The following GRIK1 variants were observed in gnomAD, a reference collection of about 807,000 sequenced individuals.
The protein encoded by GRIK1 is glutamate receptor ionotropic, kainate 1.
Under a neutral mutation model 105.7 loss-of-function variants are expected in GRIK1, and 69 were observed. The ratio of observed to expected loss-of-function variants is 0.65; its 90% confidence interval spans 0.54 to 0.80. GRIK1 has a LOEUF of 0.80. Among genes scored for constraint, GRIK1 ranks in the 30% least tolerant of loss-of-function variants. GRIK1 has a pLI of 0.00. For synonymous variants in GRIK1, 438 were observed against 431.3 expected, an observed-to-expected ratio of 1.02 and a Z score of -0.19; for missense variants, 1,109 against 1,167.3, an observed-to-expected ratio of 0.95 and a Z score of 0.73.
intron 9 of GRIK1, chr21:29,596,197 A>C: frequency 2.4e-6 from 1 of 416,284 alleles, no homozygotes. Flanking sequence ...TTTGAGAAGG[A>C]ATATAAATAG....
intron 1 of GRIK1, among the ~76,000 whole-genome samples, chr21:29,783,827 G>A (rs887869909): frequency 3.9e-5 from 6 of 152,122 alleles, no homozygotes; most frequent in African/African-American, 1.4e-4. Flanking sequence ...ACAATCACAT[G>A]ACTCAAAATT....
At position 29,922,740 on chromosome 21, in the gene GRIK1, T is replaced by C. The variant is rs564438254; in HGVS notation, c.118+16643A>G. Among the ~76,000 whole-genome samples, 22 of 152,312 alleles carry C rather than the reference T, an allele frequency of 1.4e-4. No homozygotes were observed. The South Asian group carries it at 4.3e-3, about 30-fold the overall frequency. ...AAGTTCAAACTTACAGCTTTTGCTG[T>C]TGTATTCCTCGGCCCTTTTACACTT... On this transcript the variant is annotated intron_variant, in intron 1 of 17. Coordinates refer to ENST00000327783, the MANE Select transcript of GRIK1 (RefSeq NM_001330994.2).
At chr21:29,565,685 C>T (rs776625575) in intron 14 of GRIK1, among the ~76,000 whole-genome samples, 36 of 152,208 alleles carry the variant, frequency 2.4e-4, no homozygotes, top group African/African-American at 4.1e-4. Context: ...CCACCTGCCT[C>T]GGCCTCCCAA....
intron 7 of GRIK1, among the ~76,000 whole-genome samples, chr21:29,620,781 AGATATATATATC>A (rs1426366381): frequency 6.4e-5 from 7 of 109,512 alleles, no homozygotes; most frequent in South Asian, 5.9e-4. Context: ...ATATATATAT[AGATATATATATC>A]TATATATATA....
intron 7 of GRIK1, among the ~76,000 whole-genome samples, chr21:29,622,692 G>A (rs1476001561): frequency 1.3e-5 from 2 of 152,132 alleles, no homozygotes; most frequent in African/African-American, 4.8e-5. Flanking sequence ...TGTGGGATAT[G>A]GCTAATATTT....
intron 1 of GRIK1, among the ~76,000 whole-genome samples, chr21:29,788,741 G>C (rs1212720219): frequency 6.6e-6 from 1 of 152,160 alleles, no homozygotes; most frequent in Non-Finnish European, 1.5e-5. Flanking sequence ...TCTCATCTGA[G>C]GGTGATGGGA....
At chr21:29,911,355 G>T (rs1394125776) in intron 1 of GRIK1, among the ~76,000 whole-genome samples, 1 of 151,978 alleles carries the variant, frequency 6.6e-6, no homozygotes, top group Non-Finnish European at 1.5e-5. Context: ...GCTTCAAAAT[G>T]GTACTGCGAT....
At chr21:29,751,667 C>T (rs557125643) in intron 1 of GRIK1, among the ~76,000 whole-genome samples, 13 of 152,326 alleles carry the variant, frequency 8.5e-5, no homozygotes, top group Admixed American at 6.5e-4. Context: ...GCCTCTCAGC[C>T]TGACACACCC....
At chr21:29,603,587 T>C (rs556939131) in intron 7 of GRIK1, among the ~76,000 whole-genome samples, 2 of 152,332 alleles carry the variant, frequency 1.3e-5, no homozygotes, top group African/African-American at 2.4e-5. Flanking sequence ...CCTCTTGGCA[T>C]TGCATTCTCC....
At chr21:29,848,912 A>G (rs2146037551) in intron 1 of GRIK1, among the ~76,000 whole-genome samples, 1 of 151,696 alleles carries the variant, frequency 6.6e-6, no homozygotes, top group South Asian at 2.1e-4. Flanking sequence ...ACCCTATTCA[A>G]ATAGATTTTC....
At chr21:29,641,738 CT>C (rs1031569694) in intron 7 of GRIK1, among the ~76,000 whole-genome samples, 5 of 152,170 alleles carry the variant, frequency 3.3e-5, no homozygotes, top group African/African-American at 1.2e-4. Context: ...TGCAAGCAAC[CT>C]AGATTTGTAG....
rs116557033 is a variant in GRIK1, at chr21:29,794,896, T to C, written c.119-100833A>G. Among the ~76,000 whole-genome samples the C allele has an allele frequency of 4.9e-3, 744 of 152,210 alleles. 7 individuals are homozygous for C. The highest frequency in any genetic ancestry group is 0.017 in the African/African-American group (722 of 41,548). On this transcript the variant is annotated intron_variant, in intron 1 of 17. Transcript: ENST00000327783. ...CCTGGAAGTATGATCATATAATTTA[T>C]CATCCCAAATGACAGCATTTTTGAG...
chr21:29,763,840 A>G (rs1438971682), intron 1 of GRIK1: 1 of 152,208 alleles, frequency 6.6e-6, no homozygotes, highest in Non-Finnish European at 1.5e-5. Context: ...TTTGATTTAA[A>G]TTTAGTTCCT....
intron 1 of GRIK1, among the ~76,000 whole-genome samples, chr21:29,742,911 A>C (rs1353661384): frequency 6.6e-6 from 1 of 152,220 alleles, no homozygotes; most frequent in East Asian, 1.9e-4. Flanking sequence ...AACAGGCTTG[A>C]GTCTGTTTCT....
At chr21:29,841,271 C>T (rs2067975491) in intron 1 of GRIK1, among the ~76,000 whole-genome samples, 1 of 152,104 alleles carries the variant, frequency 6.6e-6, no homozygotes, top group Admixed American at 6.5e-5. Context: ...AGTTAAGCAA[C>T]TGAATGCTTC....
intron 1 of GRIK1, among the ~76,000 whole-genome samples, chr21:29,898,684 A>G (rs1427020277): frequency 6.6e-6 from 1 of 152,220 alleles, no homozygotes; most frequent in East Asian, 1.9e-4. Flanking sequence ...GTTCTTTAAT[A>G]TAGTGTGCTT....
intron 1 of GRIK1, among the ~76,000 whole-genome samples, chr21:29,698,602 A>AT (rs140120609): frequency 0.037 from 5,573 of 152,132 alleles, 272 homozygotes; most frequent in East Asian, 0.19. Flanking sequence ...TTGTTAAACT[A>AT]TTTTTTTATC....
chr21:29,681,168 A>C (rs1368248678), intron 3 of GRIK1, among the ~76,000 whole-genome samples: 2 of 152,190 alleles, frequency 1.3e-5, no homozygotes, highest in African/African-American at 4.8e-5. Flanking sequence ...AACATAGTAC[A>C]TATAGGGTTC....
intron 14 of GRIK1, 99 bp from the exon 15 acceptor site, chr21:29,561,948 A>T: frequency 1.4e-6 from 1 of 706,006 alleles, no homozygotes; most frequent in East Asian, 2.7e-5. Flanking sequence ...GATAGGGAGG[A>T]TACTTTCTCC....
Sources: allele counts gnomAD v4.1 joint callset (sites outside exome capture counted in the v4.1 genomes callset), GRCh38; gene constraint gnomAD v4.1.1; transcripts MANE v1.5; gene names NCBI Gene and HGNC (gene_info 2026-07-23, HGNC 2026-07-21).